Variants in LMCD1 observed in about 807,000 individuals in gnomAD.
The protein encoded by LMCD1 is LIM and cysteine rich domains 1, also known as LIM and cysteine-rich domains protein 1.
In LMCD1, 32 loss-of-function variants were observed where a neutral mutation model predicts 42.7. That is an observed-to-expected ratio of 0.75 (90% confidence interval 0.57 to 1.01). The LOEUF (loss-of-function observed/expected upper bound fraction) is 1.01, where lower values mean the gene tolerates loss of function less well. Among genes scored for constraint, LMCD1 ranks in the 50% least tolerant of loss-of-function variants. The pLI, the probability that LMCD1 is intolerant of heterozygous loss-of-function variation, is 0.00. For synonymous variants in LMCD1, 178 were observed against 184.9 expected (o/e 0.96, Z 0.30); for missense variants, 458 against 483.1 (o/e 0.95, Z 0.49).
At chr3:8,557,281 G>A (rs1372448026) in intron 4 of LMCD1, among the ~76,000 whole-genome samples, 1 of 152,216 alleles carries the variant, frequency 6.6e-6, no homozygotes, top group Non-Finnish European at 1.5e-5. Flanking sequence ...AGGCTGCAAA[G>A]CAAAGATGGT....
At chr3:8,502,127 T>C in intron 1 of LMCD1, 147 bp downstream of exon 1, 1 of 673,982 alleles carries the variant, frequency 1.5e-6, no homozygotes, top group African/African-American at 1.9e-5. Context: ...TGGGAATACA[T>C]GTTTGAGCTA....
intron 3 of LMCD1, among the ~76,000 whole-genome samples, chr3:8,543,174 G>A (rs77138467): frequency 1.9e-4 from 29 of 152,290 alleles, no homozygotes; most frequent in Non-Finnish European, 3.5e-4. Flanking sequence ...GAAGGGGACG[G>A]TGTGAGCAAA....
rs529944243 is a variant in LMCD1 at position 8,561,402 on chromosome 3, A to G, written c.724-4030A>G. Among the ~76,000 whole-genome samples the G allele has an allele frequency of 2.0e-5, 3 of 150,320 alleles. 1 individual carries two copies. The highest frequency in any genetic ancestry group is 4.2e-4 in the South Asian group (2 of 4,780). ...CAGAGTTTTTTTTTTTTTTTTTCCAATATAGGTCTACTAATGAGAAAAGCA... is the reference window on the plus strand; with the variant it reads ...CAGAGTTTTTTTTTTTTTTTTTCCAGTATAGGTCTACTAATGAGAAAAGCA... On this transcript the variant is annotated intron_variant, in intron 4 of 5. Coordinates refer to ENST00000157600, the MANE Select transcript of LMCD1 (RefSeq NM_014583.4).
At chr3:8,548,119 A>G (rs1427867419) in intron 3 of LMCD1, among the ~76,000 whole-genome samples, 2 of 152,220 alleles carry the variant, frequency 1.3e-5, no homozygotes, top group Non-Finnish European at 2.9e-5. Flanking sequence ...TGGGACCACT[A>G]TGGTATATGT....
chr3:8,548,531 C>T, intron 3 of LMCD1, 37 bp from the exon 4 acceptor site: 1 of 1,453,642 alleles, frequency 6.9e-7, no homozygotes, highest in Non-Finnish European at 9.4e-7. Flanking sequence ...GAAGCCCCAT[C>T]CACATCATGT....
At chr3:8,551,178 C>T (rs1694832716) in intron 4 of LMCD1, 6 of 985,244 alleles carry the variant, frequency 6.1e-6, no homozygotes, top group East Asian at 1.1e-4. Context: ...ATTAGTGAAT[C>T]GATGTCTGTC....
At chr3:8,548,378 T>TACAA (rs1419434673) in intron 3 of LMCD1, among the ~76,000 whole-genome samples, 190 bp from the exon 4 acceptor site, 1 of 152,218 alleles carries the variant, frequency 6.6e-6, no homozygotes, top group Non-Finnish European at 1.5e-5. Flanking sequence ...AGTATTGCTT[T>TACAA]TGTAATTTTC....
Position 8,568,990 on chromosome 3 carries a change from C to T in LMCD1, c.*1392C>T, listed in dbSNP as rs1351684088. ...AAGCCATTGCTATATCCTCCCAAGG[C>T]AGTGGTTTTCTGCTCCCAGCTCCTT... On this transcript the variant is annotated 3_prime_UTR_variant, in exon 6 of 6. Coordinates refer to ENST00000157600, the MANE Select transcript of LMCD1 (RefSeq NM_014583.4). 6.6e-6 allele frequency: 1 copy of T among 152,226 alleles called. No homozygotes were observed. The highest frequency in any genetic ancestry group is 1.9e-4 in the East Asian group (1 of 5,192). 9.4% of individuals were successfully genotyped at this position (152,226 alleles called of 1,614,324 possible).
chr3:8,531,382 A>T (rs1476308458), intron 1 of LMCD1, among the ~76,000 whole-genome samples: 1 of 152,172 alleles, frequency 6.6e-6, no homozygotes, highest in Non-Finnish European at 1.5e-5. Flanking sequence ...TAATAAACTC[A>T]TATTTCCCAT....
intron 1 of LMCD1, among the ~76,000 whole-genome samples, chr3:8,519,925 A>AGAGTGT (rs1553605823): frequency 6.8e-6 from 1 of 147,832 alleles, no homozygotes; most frequent in Non-Finnish European, 1.5e-5. Flanking sequence ...TGTGAGAGAG[A>AGAGTGT]GTGTGTGTGT....
At chr3:8,538,824 C>T (rs1208894397) in intron 3 of LMCD1, among the ~76,000 whole-genome samples, 6 of 152,160 alleles carry the variant, frequency 3.9e-5, no homozygotes, top group African/African-American at 1.4e-4. Flanking sequence ...CCGTAACATC[C>T]CTGCACCCAG....
intron 1 of LMCD1, among the ~76,000 whole-genome samples, chr3:8,532,075 C>G (rs941153520): frequency 6.6e-6 from 1 of 152,152 alleles, no homozygotes; most frequent in African/African-American, 2.4e-5. Flanking sequence ...CCCCAGGTGA[C>G]GCTTCTGGTT....
At chr3:8,518,159 G>C (rs922336855) in intron 1 of LMCD1, among the ~76,000 whole-genome samples, 20 of 152,144 alleles carry the variant, frequency 1.3e-4, no homozygotes, top group African/African-American at 4.8e-4. Context: ...AACATGCACA[G>C]AGCTCCCCCA....
chr3:8,548,516 C>T (rs1694778314), intron 3 of LMCD1, 52 bp from the exon 4 acceptor site: 2 of 1,297,336 alleles, frequency 1.5e-6, no homozygotes, highest in Admixed American at 4.7e-5. Context: ...GTTTCTTTGA[C>T]TGATGAAGCC....
At chr3:8,525,397 ATTGTGTGTGTGTGTGT>A (rs1694281122) in intron 1 of LMCD1, among the ~76,000 whole-genome samples, 1 of 151,946 alleles carries the variant, frequency 6.6e-6, no homozygotes, top group South Asian at 2.1e-4. Context: ...ATATTATTCC[ATTGTGTGTGTGTGTGT>A]TTGTGTGTGT....
chr3:8,550,576 A>G, intron 4 of LMCD1: 1 of 985,346 alleles, frequency 1.0e-6, no homozygotes, highest in Non-Finnish European at 1.2e-6. Flanking sequence ...GTTTTATCTG[A>G]GAACTCTAAG....
chr3:8,502,846 G>T (rs1174780094), intron 1 of LMCD1, among the ~76,000 whole-genome samples: 1 of 152,122 alleles, frequency 6.6e-6, no homozygotes, highest in Non-Finnish European at 1.5e-5. Flanking sequence ...GAGAACATGT[G>T]AACGGGAAGG....
Position 8,537,358 on chromosome 3 carries a change from C to G in LMCD1, c.305C>G (p.Thr102Ser). 3 of 1,614,122 alleles carry G rather than the reference C, an allele frequency of 1.9e-6. No homozygotes were observed. The highest frequency in any genetic ancestry group is 2.5e-6 in the Non-Finnish European group (3 of 1,179,990). ...RIYKRNRMIMTNPIATGKDPT... is the reference protein window; with the variant it reads ...RIYKRNRMIMSNPIATGKDPT... ...TACAAGAGGAACCGGATGATCATGA[C>G]CAACCCTATTGCTACTGGGAAAGAT... The change falls in exon 3 of 6, where the codon ACC (threonine) becomes AGC (serine). Residue 102 changes from threonine (T) to serine (S), a missense_variant. Transcript: ENST00000157600.
intron 4 of LMCD1, among the ~76,000 whole-genome samples, chr3:8,551,765 C>A (rs1460862847): frequency 6.6e-6 from 1 of 152,224 alleles, no homozygotes; most frequent in Non-Finnish European, 1.5e-5. Context: ...GTCTGCCTTG[C>A]CTCACCAGCA....
Sources: allele counts gnomAD v4.1 joint callset (sites outside exome capture counted in the v4.1 genomes callset), GRCh38; gene constraint gnomAD v4.1.1; transcripts MANE v1.5; gene names NCBI Gene and HGNC (gene_info 2026-07-23, HGNC 2026-07-21).